KAT2A: variants seen among roughly 807,000 people sequenced by gnomAD.
KAT2A encodes lysine acetyltransferase 2A, also known as histone acetyltransferase KAT2A.
Under a neutral mutation model 95.2 loss-of-function variants are expected in KAT2A, and 42 were observed. The ratio of observed to expected loss-of-function variants is 0.44; its 90% CI spans 0.34 to 0.57. The LOEUF is 0.57. KAT2A is among the 20% of genes least tolerant of loss of function. The probability of loss-of-function intolerance (pLI) is 0.01; values close to 1 mark genes in which losing one functional copy is unlikely to be tolerated. For synonymous variants in KAT2A, 449 were observed against 448.2 expected (o/e 1.00, Z -0.02); for missense variants, 784 against 1,126.3 (o/e 0.70, Z 4.35).
intron 17 of KAT2A, 59 bp from the exon 18 acceptor site, chr17:42,113,901 C>A: frequency 6.7e-7 from 1 of 1,497,956 alleles, no homozygotes; most frequent in South Asian, 1.3e-5. Context: ...GCAGGGCTGT[C>A]CACCAGGGTG....
Position 42,119,933 on chromosome 17 carries a change from G to A in KAT2A, c.699+97C>T, listed in dbSNP as rs1555666926. 1.7e-6 allele frequency: 2 copies of A among 1,204,240 alleles called. No individual in the cohort carries two copies. Among genetic ancestry groups the A allele is most frequent in the African/African-American group, 1.5e-5 (1 of 66,852 alleles). The allele number at this position is 1,204,240 out of a possible 1,614,324, so 74.6% of individuals were successfully genotyped here. On this transcript the variant is annotated intron_variant, in intron 4 of 17. Transcript: ENST00000225916. The surrounding 1 kb of genome is among the most constrained non-coding windows in gnomAD (Gnocchi z 5.3). ...ACCCTTCCTTCTCTGAACCTCCCCAGTGTTCTCAGCTTGAGGAGAATGGAG... is the reference window on the plus strand; with the variant it reads ...ACCCTTCCTTCTCTGAACCTCCCCAATGTTCTCAGCTTGAGGAGAATGGAG...
chr17:42,118,293 A>G lies in KAT2A; in HGVS notation c.1180+4T>C, dbSNP rs782591310. 1.6e-5 allele frequency: 25 copies of G among 1,600,988 alleles called. No homozygotes were observed. The Admixed American group carries it at 4.2e-4, about 27-fold the overall frequency. On this transcript the variant is annotated splice_donor_region_variant and intron_variant, in intron 7 of 17. Coordinates refer to ENST00000225916, the MANE Select transcript of KAT2A (RefSeq NM_021078.3). ...CACCCTACAGAGCGTACCATGGCAC[A>G]TACCTGGCCGGGGAACCAGCTGTGT...
rs2054312176 is a variant in KAT2A, at chr17:42,119,949, G to A, written c.699+81C>T. ...ACCTCCCCAGTGTTCTCAGCTTGAGGAGAATGGAGAACACAGGCTCCCCAC... is the reference window on the plus strand; with the variant it reads ...ACCTCCCCAGTGTTCTCAGCTTGAGAAGAATGGAGAACACAGGCTCCCCAC... On this transcript the variant is annotated intron_variant, in intron 4 of 17. Coordinates refer to ENST00000225916, the MANE Select transcript of KAT2A (RefSeq NM_021078.3). The surrounding 1 kb of genome is among the most constrained non-coding windows in gnomAD (Gnocchi z 5.3). The A allele has an allele frequency of 2.3e-6, 3 of 1,279,576 alleles. No individual in the cohort carries two copies. The highest frequency in any genetic ancestry group is 2.3e-6 in the Non-Finnish European group (2 of 879,422). The allele number at this position is 1,279,576 out of a possible 1,614,324, so 79.3% of individuals were successfully genotyped here. A position where few individuals can be genotyped will look rare whatever the true frequency, so the allele number is the denominator to read the frequency against.
chr17:42,115,961 A>C, intron 11 of KAT2A, 128 bp from the exon 12 acceptor site: 2 of 692,358 alleles, frequency 2.9e-6, no homozygotes, highest in Non-Finnish European at 5.3e-6. Flanking sequence ...CCAGGCAAAG[A>C]GGAAGAAAGG....
In KAT2A at chr17:42,114,797, A is replaced by G. The variant is rs1257278711; in HGVS notation, c.2019+95T>C. Reference sequence around the variant, plus strand: ...TGCCCCTCCTCACTCACACACATATATGCATGTAGACGTAGAACAGGTCTA... The same window carrying G: ...TGCCCCTCCTCACTCACACACATATGTGCATGTAGACGTAGAACAGGTCTA... On this transcript the variant is annotated intron_variant, in intron 13 of 17. Coordinates refer to ENST00000225916, the MANE Select transcript of KAT2A (RefSeq NM_021078.3). The surrounding 1 kb of genome is among the most constrained non-coding windows in gnomAD (Gnocchi z 6.0). 27 of 1,354,412 alleles carry G rather than the reference A, an allele frequency of 2.0e-5. No individual in the cohort carries two copies. The highest frequency in any genetic ancestry group is 2.7e-5 in the Non-Finnish European group (26 of 957,134). The allele number at this position is 1,354,412 out of a possible 1,614,324, so 83.9% of individuals were successfully genotyped here.
At position 42,113,686 on chromosome 17, in the gene KAT2A, TAGA is replaced by T. The variant is rs782568025; in HGVS notation, c.2474_2476del (p.Phe825del). 10 of 1,611,658 alleles carry T rather than the reference TAGA, an allele frequency of 6.2e-6. No homozygotes were observed. The highest frequency in any genetic ancestry group is 4.4e-5 in the South Asian group (4 of 90,856). ...GAGGCCTCCCTCCTTGAGCTTGAAGTAGAAGAACTTCTCCAGGGCGCTGGCACA... is the reference window on the plus strand; with the variant it reads ...GAGGCCTCCCTCCTTGAGCTTGAAGTAGAACTTCTCCAGGGCGCTGGCACA... On this transcript the variant is annotated inframe_deletion, in exon 18 of 18. Transcript: ENST00000225916.
At position 42,114,041 on chromosome 17, in the gene KAT2A, G is replaced by A. The variant is rs140668712; in HGVS notation, c.2279C>T (p.Ser760Leu). ...AWPFMEPVKK[S>L]EAPDYYEVIR... The stretch of plus-strand genomic sequence containing the variant: ...GACCTCGTAGTAGTCAGGGGCCTCC[G>A]ACTTCTTCACAGGCTCCATGAAGGG... Residue 760 changes from serine (S) to leucine (L), a missense_variant, in exon 17 of 18, where the codon TCG becomes TTG. Around this residue, in one of 6 missense-constraint regions of KAT2A, gnomAD observed 195 missense variants for 247.1 expected, o/e 0.79. Coordinates refer to ENST00000225916, the MANE Select transcript of KAT2A (RefSeq NM_021078.3). This position sits in a 1 kb window ranked among gnomAD's most constrained non-coding sequence, Gnocchi z 6.0. 2.2e-4 allele frequency: 338 copies of A among 1,522,778 alleles called. 1 individual carries two copies. The East Asian group carries it at 4.4e-3, about 20-fold the overall frequency. 94.3% of individuals were successfully genotyped at this position (1,522,778 alleles called of 1,614,324 possible).
At position 42,113,687 on chromosome 17, in the gene KAT2A, A is replaced by G; in HGVS notation, c.2476T>C (p.Tyr826His). The G allele has an allele frequency of 6.2e-7, 1 of 1,611,586 alleles. No homozygotes were observed. Among genetic ancestry groups the G allele is most frequent in the Non-Finnish European group, 8.5e-7 (1 of 1,179,226 alleles). The part of the protein sequence containing the change: ...RCASALEKFF[Y>H]FKLKEGGLID... ...AGGCCTCCCTCCTTGAGCTTGAAGT[A>G]GAAGAACTTCTCCAGGGCGCTGGCA... Residue 826 changes from tyrosine to histidine, a missense_variant, in exon 18 of 18, where the codon TAC (tyrosine) becomes CAC (histidine). Transcript: ENST00000225916.
rs2054194288 is a variant in KAT2A at position 42,113,221 on chromosome 17, G to C, written c.*428C>G. ...AGACTGACAGAACAGTGCTGGACAA[G>C]GCATGGCCCCCTTCAGTTTGGGCTG... On this transcript the variant is annotated 3_prime_UTR_variant, in exon 18 of 18. Coordinates refer to ENST00000225916, the MANE Select transcript of KAT2A (RefSeq NM_021078.3). 1 of 171,292 alleles carries C rather than the reference G, an allele frequency of 5.8e-6. No homozygotes were observed. The highest frequency in any genetic ancestry group is 1.2e-5 in the Non-Finnish European group (1 of 80,618). 10.6% of individuals were successfully genotyped at this position (171,292 alleles called of 1,614,324 possible).
intron 7 of KAT2A, 132 bp from the exon 8 acceptor site, chr17:42,118,149 G>C: frequency 1.4e-6 from 1 of 730,560 alleles, no homozygotes; most frequent in South Asian, 1.7e-5. Context: ...GAGAGAGAGA[G>C]AGAAGGCAGG....
chr17:42,114,282 C>G lies in KAT2A; in HGVS notation c.2172G>C (p.Gly724=). 1 of 1,604,500 alleles carries G rather than the reference C, an allele frequency of 6.2e-7. No individual in the cohort carries two copies. The part of the protein sequence containing the change: ...TGWKPLGKEK[G]KELKDPDQLY... ...GCTGGTCGGGGTCCTTCAGCTCCTT[C>G]CTGGGGCGAGAGACACCAAGTCTGA... is the stretch of plus-strand genomic sequence containing the variant. The change falls in exon 16 of 18, where the codon GGG becomes GGC. Residue 724 remains glycine, a splice_region_variant and synonymous_variant. Transcript: ENST00000225916. The surrounding 1 kb of genome is among the most constrained non-coding windows in gnomAD (Gnocchi z 6.0).
At position 42,121,308 on chromosome 17, in the gene KAT2A, C is replaced by T. The variant is rs782655601; in HGVS notation, c.-4G>A. The T allele has an allele frequency of 2.2e-6, 3 of 1,368,960 alleles. No homozygotes were observed. Among genetic ancestry groups the T allele is most frequent in the African/African-American group, 1.5e-5 (1 of 65,130 alleles). 84.8% of individuals were successfully genotyped at this position (1,368,960 alleles called of 1,614,324 possible). On this transcript the variant is annotated 5_prime_UTR_variant, in exon 1 of 18. Coordinates refer to ENST00000225916, the MANE Select transcript of KAT2A (RefSeq NM_021078.3). ...GGGCCTGGGAAGGTTCCGCCATGGC[C>T]TCCCCCGCAGCGGAGAGCGGCGCCG...
chr17:42,117,639 TG>T lies in KAT2A; in HGVS notation c.1428+38del, dbSNP rs782725616. On this transcript the variant is annotated intron_variant, in intron 9 of 17. Transcript: ENST00000225916. This position sits in a 1 kb window ranked among gnomAD's most constrained non-coding sequence, Gnocchi z 8.9. Reference sequence around the variant, plus strand: ...GTGGTGAGCCGGGGTCTCAGGTTGGTGGGGGTCCCCCAACTGGTCAGCAGGT... The same window carrying T: ...GTGGTGAGCCGGGGTCTCAGGTTGGTGGGGTCCCCCAACTGGTCAGCAGGT... 1 of 1,605,892 alleles carries T rather than the reference TG, an allele frequency of 6.2e-7. No homozygotes were observed. Among genetic ancestry groups the T allele is most frequent in the Non-Finnish European group, 8.5e-7 (1 of 1,174,920 alleles).
rs1187249534 is a variant in KAT2A at position 42,114,671 on chromosome 17, C to A, written c.2020-67G>T. 1.4e-6 allele frequency: 2 copies of A among 1,430,360 alleles called. No individual in the cohort carries two copies. Among genetic ancestry groups the A allele is most frequent in the South Asian group, 1.2e-5 (1 of 86,332 alleles). 88.6% of individuals were successfully genotyped at this position (1,430,360 alleles called of 1,614,324 possible). A position where few individuals can be genotyped will look rare whatever the true frequency, so the allele number is the denominator to read the frequency against. On this transcript the variant is annotated intron_variant, in intron 13 of 17. Coordinates refer to ENST00000225916, the MANE Select transcript of KAT2A (RefSeq NM_021078.3). This position sits in a 1 kb window ranked among gnomAD's most constrained non-coding sequence, Gnocchi z 6.0. ...CAACAACCCCTCCCAGGGCCACAGT[C>A]GGAGCCACTGGCTGCACCCACCCAG...
In KAT2A at chr17:42,113,613, G is replaced by A. The variant is rs1020547008; in HGVS notation, c.*36C>T. ...GGATCAGATCAGAATCCGAGGTGGA[G>A]ACATTCCAGGTCAGGGCTGCGGCCC... On this transcript the variant is annotated 3_prime_UTR_variant, in exon 18 of 18. Transcript: ENST00000225916. The A allele has an allele frequency of 3.8e-6, 6 of 1,578,834 alleles. No homozygotes were observed. In the South Asian group the frequency reaches 5.7e-5, roughly 15 times the overall value.
intron 2 of KAT2A, 123 bp downstream of exon 2, chr17:42,120,583 C>A: frequency 7.2e-7 from 1 of 1,381,872 alleles, no homozygotes; most frequent in Non-Finnish European, 1.0e-6. Flanking sequence ...CACCCCCCCC[C>A]AACCCAATCC....
chr17:42,114,763 A>C lies in KAT2A; in HGVS notation c.2019+129T>G. On this transcript the variant is annotated intron_variant, in intron 13 of 17. Transcript: ENST00000225916. This position sits in a 1 kb window ranked among gnomAD's most constrained non-coding sequence, Gnocchi z 6.0. ...CCAAGGGAGCAGAGCAAGAGCCAAG[A>C]TCCTGGCCTGCCCCTCCTCACTCAC... 1 of 1,229,478 alleles carries C rather than the reference A, an allele frequency of 8.1e-7. No individual in the cohort carries two copies. Among genetic ancestry groups the C allele is most frequent in the South Asian group, 1.3e-5 (1 of 74,886 alleles). The allele number at this position is 1,229,478 out of a possible 1,614,324, so 76.2% of individuals were successfully genotyped here.
At chr17:42,120,855 ACCTATAC>A in intron 1 of KAT2A, 26 bp from the exon 2 acceptor site, 1 of 1,597,472 alleles carries the variant, frequency 6.3e-7, no homozygotes, top group South Asian at 1.1e-5. Context: ...TCAGTCAATG[ACCTATAC>A]CTCTGGGGCA....
In KAT2A at chr17:42,119,412, G is replaced by C. The variant is rs2054304803; in HGVS notation, c.906C>G (p.Pro302=). 1.9e-6 allele frequency: 3 copies of C among 1,613,050 alleles called. No homozygotes were observed. The African/African-American group carries it at 4.0e-5, about 22-fold the overall frequency. Residue 302 remains proline (P), a synonymous_variant, in exon 6 of 18, where the codon CCC becomes CCG. Transcript: ENST00000225916. The surrounding 1 kb of genome is among the most constrained non-coding windows in gnomAD (Gnocchi z 5.3). ...YTRWLCYCHV[P]QSCDSLPRYE... Reference sequence around the variant, plus strand: ...AGCGGGGGAGGCTATCACAGCTCTGGGGCACGTGGCAGTAACAGAGCCATC... The same window carrying C: ...AGCGGGGGAGGCTATCACAGCTCTGCGGCACGTGGCAGTAACAGAGCCATC...
Sources: gnomAD v4.1 joint callset for allele counts on GRCh38, gnomAD v4.1.1 for gene constraint, gnomAD v4.1.1 regional missense constraint, Gnocchi (gnomAD v3.1) non-coding constraint, MANE v1.5 for transcripts, NCBI Gene and HGNC (gene_info 2026-07-23, HGNC 2026-07-21) for gene names.